The following TENM4 variants were observed in gnomAD, a reference collection of about 807,000 sequenced individuals.
TENM4 encodes teneurin-4.
Under a neutral mutation model 243.3 loss-of-function variants are expected in TENM4, and 82 were observed. The ratio of observed to expected loss-of-function variants is 0.34; its 90% CI spans 0.28 to 0.40. TENM4 has a LOEUF of 0.40. TENM4 is among the 10% of genes least tolerant of loss of function. The probability of loss-of-function intolerance (pLI) is 1.00; values close to 1 mark genes in which losing one functional copy is unlikely to be tolerated. For synonymous variants in TENM4, 1,412 were observed against 1,456.3 expected (o/e 0.97, Z 0.69); for missense variants, 3,138 against 3,673.3 (o/e 0.85, Z 3.77).
intron 13 of TENM4, 117 bp downstream of exon 13, chr11:78,814,177 C>T (rs1857556523): frequency 2.1e-6 from 2 of 948,916 alleles, no homozygotes; most frequent in East Asian, 2.8e-5. Flanking sequence ...CCCTTGGAAA[C>T]CCTTCTCGTG....
intron 6 of TENM4, among the ~76,000 whole-genome samples, chr11:78,981,775 T>C (rs644961): frequency 0.57 from 87,039 of 152,026 alleles, 25,990 homozygotes; most frequent in African/African-American, 0.74. Flanking sequence ...ATAAGGCATC[T>C]TAAGATCTCC....
intron 6 of TENM4, among the ~76,000 whole-genome samples, chr11:79,016,974 T>A (rs1394020581): frequency 6.6e-6 from 1 of 152,234 alleles, no homozygotes; most frequent in Non-Finnish European, 1.5e-5. Flanking sequence ...GGAGGGACTA[T>A]AAGACCTATC....
At chr11:78,850,366 A>T (rs1275944599) in intron 12 of TENM4, among the ~76,000 whole-genome samples, 1 of 152,206 alleles carries the variant, frequency 6.6e-6, no homozygotes, top group Non-Finnish European at 1.5e-5. Flanking sequence ...CTAGATCTGC[A>T]TTTTGACATA....
chr11:78,732,657 A>G, intron 20 of TENM4, 80 bp from the exon 21 acceptor site: 1 of 1,454,084 alleles, frequency 6.9e-7, no homozygotes, highest in Non-Finnish European at 9.1e-7. Flanking sequence ...AGACAAAGAA[A>G]GGGGAGAAAA....
In TENM4 at chr11:79,305,491, G is replaced by A. The variant is rs144203179; in HGVS notation, c.-320-7948C>T. Among the ~76,000 whole-genome samples, 451 of 152,300 alleles carry A rather than the reference G, an allele frequency of 3.0e-3. 1 individual carries two copies. Among genetic ancestry groups the A allele is most frequent in the Middle Eastern group, 0.01 (3 of 294 alleles). ...GTGAGGAAGAGGTCAACTCTACCGG[G>A]ATGGAATGGGCAAGACAGACTTCAA... On this transcript the variant is annotated intron_variant, in intron 1 of 33. Coordinates refer to ENST00000278550, the MANE Select transcript of TENM4 (RefSeq NM_001098816.3).
chr11:79,298,711 C>T (rs1329925845), intron 1 of TENM4, among the ~76,000 whole-genome samples: 3 of 152,068 alleles, frequency 2.0e-5, no homozygotes, highest in Non-Finnish European at 2.9e-5. Context: ...CTTATAACCA[C>T]CCTGGGAGAG....
At chr11:78,839,931 G>T (rs1054659369) in intron 12 of TENM4, among the ~76,000 whole-genome samples, 2 of 152,094 alleles carry the variant, frequency 1.3e-5, no homozygotes, top group African/African-American at 2.4e-5. Flanking sequence ...CACCTGCTGG[G>T]GTCCCTAGCT....
chr11:79,353,860 A>G (rs1590903585), intron 1 of TENM4, among the ~76,000 whole-genome samples: 2 of 152,126 alleles, frequency 1.3e-5, no homozygotes, highest in Admixed American at 6.5e-5. Context: ...TTATTGGTAC[A>G]CAGCCACGTC....
intron 1 of TENM4, among the ~76,000 whole-genome samples, chr11:79,319,749 T>C (rs1240233261): frequency 6.6e-6 from 1 of 151,846 alleles, no homozygotes. Context: ...TGTTGAAAGA[T>C]GCAAGTGGGT....
chr11:79,343,064 C>T (rs1034866771), intron 1 of TENM4, among the ~76,000 whole-genome samples: 5 of 152,234 alleles, frequency 3.3e-5, no homozygotes, highest in African/African-American at 7.2e-5. Flanking sequence ...CACTGGCACA[C>T]GCAGCTCACC....
chr11:78,832,303 A>ATAG lies in TENM4; in HGVS notation c.1682-17911_1682-17909dup, dbSNP rs542046026. ...CCCTTGACAATTCACCTTGTGCCAT[A>ATAG]TAGTACTCCCCCAATTGTTGTTTTT... is the stretch of plus-strand genomic sequence containing the variant. On this transcript the variant is annotated intron_variant, in intron 12 of 33. Coordinates refer to ENST00000278550, the MANE Select transcript of TENM4 (RefSeq NM_001098816.3). Among the ~76,000 whole-genome samples the ATAG allele has an allele frequency of 3.8e-3, 576 of 152,292 alleles. 3 individuals are homozygous for ATAG. Among genetic ancestry groups the ATAG allele is most frequent in the African/African-American group, 0.013 (561 of 41,568 alleles).
intron 26 of TENM4, among the ~76,000 whole-genome samples, chr11:78,709,027 G>C (rs1198296949): frequency 6.7e-6 from 1 of 148,682 alleles, no homozygotes; most frequent in African/African-American, 2.5e-5. Flanking sequence ...TAGTGCAGTG[G>C]CGCGATCTCG....
intron 12 of TENM4, among the ~76,000 whole-genome samples, chr11:78,831,030 C>T (rs1367876746): frequency 6.6e-6 from 1 of 152,186 alleles, no homozygotes; most frequent in African/African-American, 2.4e-5. Context: ...ACTCTTACCC[C>T]AGCATTAAAA....
intron 3 of TENM4, among the ~76,000 whole-genome samples, chr11:79,206,033 A>G (rs1011736667): frequency 1.1e-4 from 16 of 152,206 alleles, no homozygotes; most frequent in Admixed American, 1.0e-3. Flanking sequence ...TCAAGTTTCT[A>G]GGCCTTATAG....
chr11:78,702,376 C>A lies in TENM4; in HGVS notation c.4237G>T (p.Ala1413Ser). 2 of 1,612,996 alleles carry A rather than the reference C, an allele frequency of 1.2e-6. No homozygotes were observed. Among genetic ancestry groups the A allele is most frequent in the Non-Finnish European group, 8.5e-7 (1 of 1,179,248 alleles). The change falls in exon 28 of 34, where the codon GCC (alanine) becomes TCC (serine). Residue 1413 changes from alanine (A) to serine (S), a missense_variant. Ala to Ser is a moderately conservative substitution (Grantham distance 99). Coordinates refer to ENST00000278550, the MANE Select transcript of TENM4 (RefSeq NM_001098816.3). ...QVHLEWPTDL[A>S]INPMDNSLYV... is the part of the protein sequence containing the mutation. ...AGTGAGTTGTCCATTGGGTTGATGG[C>A]TAAGTCTGTGGGCCACTCCAGGTGA...
chr11:79,023,751 G>A (rs1459459328), intron 6 of TENM4, among the ~76,000 whole-genome samples: 1 of 152,196 alleles, frequency 6.6e-6, no homozygotes, highest in African/African-American at 2.4e-5. Context: ...CAGTGGACCA[G>A]GGTGGGTGGA....
At chr11:79,169,269 G>A (rs1052280079) in intron 3 of TENM4, among the ~76,000 whole-genome samples, 5 of 152,226 alleles carry the variant, frequency 3.3e-5, no homozygotes, top group African/African-American at 1.2e-4. Flanking sequence ...CACAGCAATA[G>A]ATGAGGGATA....
At chr11:78,959,214 T>C (rs1857267587) in intron 6 of TENM4, among the ~76,000 whole-genome samples, 1 of 152,236 alleles carries the variant, frequency 6.6e-6, no homozygotes, top group Admixed American at 6.5e-5. Context: ...TAAACGTAGT[T>C]ATATCTCGGA....
At chr11:79,030,714 C>T (rs1209382952) in intron 6 of TENM4, among the ~76,000 whole-genome samples, 1 of 152,168 alleles carries the variant, frequency 6.6e-6, no homozygotes, top group African/African-American at 2.4e-5. Flanking sequence ...AGTGATCCTT[C>T]TTACTTACTG....
Sources: allele counts gnomAD v4.1 joint callset (sites outside exome capture counted in the v4.1 genomes callset), GRCh38; gene constraint gnomAD v4.1.1; transcripts MANE v1.5; gene names NCBI Gene and HGNC (gene_info 2026-07-23, HGNC 2026-07-21).